The following NEK11 variants were observed in gnomAD, a reference collection of about 807,000 sequenced individuals.
NEK11 encodes serine/threonine-protein kinase Nek11.
A neutral mutation model predicts 80.7 loss-of-function variants in NEK11; 72 were observed. The observed-to-expected ratio is 0.89, with a 90% CI of 0.74 to 1.08. The LOEUF (loss-of-function observed/expected upper bound fraction) is 1.08. Ranked by LOEUF, NEK11 falls within the 50% of genes least tolerant of loss-of-function variation. The pLI is 0.00. For synonymous variants in NEK11, 251 were observed against 260.7 expected (o/e 0.96, Z 0.36); for missense variants, 764 against 763.6 (o/e 1.00, Z -0.01).
intron 17 of NEK11, among the ~76,000 whole-genome samples, chr3:131,290,878 C>G (rs1047601578): frequency 6.6e-6 from 1 of 152,132 alleles, no homozygotes; most frequent in East Asian, 1.9e-4. Context: ...ATAACCTCCC[C>G]ATTATCAATG....
At chr3:131,135,495 G>T (rs928673496) in intron 7 of NEK11, among the ~76,000 whole-genome samples, 3 of 152,082 alleles carry the variant, frequency 2.0e-5, no homozygotes, top group Admixed American at 1.3e-4. Flanking sequence ...TCTACTATTT[G>T]CCCAAGACTG....
Position 131,132,827 on chromosome 3 carries a change from A to G in NEK11, c.520+18A>G, listed in dbSNP as rs1221427746. On this transcript the variant is annotated intron_variant, in intron 6 of 17. Coordinates refer to ENST00000383366, the MANE Select transcript of NEK11 (RefSeq NM_024800.5). ...TAAAATTGGTAAGATTTTAAAAAGT[A>G]TGAATTCCAAAAACGCAGAACAGTA... The G allele has an allele frequency of 4.9e-6, 6 of 1,216,532 alleles. No individual in the cohort carries two copies. Among genetic ancestry groups the G allele is most frequent in the Non-Finnish European group, 7.1e-6 (6 of 849,912 alleles). The allele number at this position is 1,216,532 out of a possible 1,614,324, so 75.4% of individuals were successfully genotyped here. A position where few individuals can be genotyped will look rare whatever the true frequency, so the allele number is the denominator to read the frequency against.
At chr3:131,233,297 C>A (rs1008725426) in intron 15 of NEK11, among the ~76,000 whole-genome samples, 2 of 152,134 alleles carry the variant, frequency 1.3e-5, no homozygotes, top group African/African-American at 4.8e-5. Flanking sequence ...CTGGGAGTTG[C>A]CTGGGAAGAG....
intron 16 of NEK11, among the ~76,000 whole-genome samples, chr3:131,272,195 T>A (rs997072872): frequency 6.6e-6 from 1 of 152,214 alleles, no homozygotes; most frequent in African/African-American, 2.4e-5. Context: ...GCACATGTTA[T>A]ATGAGATATG....
intron 16 of NEK11, among the ~76,000 whole-genome samples, chr3:131,262,497 A>C (rs926627732): frequency 3.9e-5 from 6 of 152,064 alleles, no homozygotes; most frequent in African/African-American, 1.4e-4. Context: ...TTCCTTTCCA[A>C]TTTGGATTCC....
chr3:131,197,400 G>A (rs1013816284), intron 14 of NEK11, among the ~76,000 whole-genome samples: 9 of 152,142 alleles, frequency 5.9e-5, no homozygotes, highest in Non-Finnish European at 1.3e-4. Context: ...CATGGACTGC[G>A]TCTGGGGCTC....
At chr3:131,255,861 C>A (rs1179332397) in intron 16 of NEK11, among the ~76,000 whole-genome samples, 1 of 152,112 alleles carries the variant, frequency 6.6e-6, no homozygotes, top group Non-Finnish European at 1.5e-5. Context: ...CTGATTAGAC[C>A]ATGTCCAAAT....
chr3:131,146,296 A>C (rs1211015181), intron 7 of NEK11, among the ~76,000 whole-genome samples: 1 of 152,162 alleles, frequency 6.6e-6, no homozygotes, highest in Non-Finnish European at 1.5e-5. Flanking sequence ...GTTAGGCTAC[A>C]TAACAGAATG....
chr3:131,031,570 G>A (rs1053661561), intron 3 of NEK11, among the ~76,000 whole-genome samples: 21 of 152,300 alleles, frequency 1.4e-4, no homozygotes, highest in African/African-American at 4.8e-4. Context: ...GATGTATGAA[G>A]ATCAAACTTG....
At chr3:131,215,693 C>T (rs2094811717) in intron 14 of NEK11, among the ~76,000 whole-genome samples, 1 of 152,190 alleles carries the variant, frequency 6.6e-6, no homozygotes, top group African/African-American at 2.4e-5. Context: ...TACCTCTCCC[C>T]TGCTACATCC....
chr3:131,215,407 G>C (rs532819275), intron 14 of NEK11, among the ~76,000 whole-genome samples: 5 of 151,682 alleles, frequency 3.3e-5, no homozygotes, highest in South Asian at 4.2e-4. Context: ...ATGTACCCTA[G>C]AACTTAAAGT....
chr3:131,331,832 G>A (rs1237097726), intron 17 of NEK11, among the ~76,000 whole-genome samples: 4 of 152,216 alleles, frequency 2.6e-5, no homozygotes, highest in Admixed American at 6.5e-5. Flanking sequence ...TGGCTCGGAG[G>A]GTCCTACAAC....
At chr3:131,273,233 T>TA (rs1397939670) in intron 16 of NEK11, among the ~76,000 whole-genome samples, 6 of 152,224 alleles carry the variant, frequency 3.9e-5, no homozygotes, top group African/African-American at 1.4e-4. Context: ...GTGTTTTGTT[T>TA]AAACAATCCT....
chr3:131,036,670 C>T (rs895846915), intron 3 of NEK11, among the ~76,000 whole-genome samples: 2 of 152,190 alleles, frequency 1.3e-5, no homozygotes, highest in Admixed American at 1.3e-4. Context: ...GTGGTTTTCA[C>T]AATTTGTTGA....
intron 17 of NEK11, among the ~76,000 whole-genome samples, chr3:131,299,858 C>T (rs1377206372): frequency 2.0e-5 from 3 of 152,064 alleles, no homozygotes; most frequent in Non-Finnish European, 2.9e-5. Context: ...TTGTCTTTAT[C>T]GTAGAATGAT....
intron 7 of NEK11, among the ~76,000 whole-genome samples, chr3:131,151,548 C>T (rs538347697): frequency 5.3e-5 from 8 of 152,124 alleles, no homozygotes; most frequent in South Asian, 4.1e-4. Context: ...AGGTCAATCA[C>T]AAGTTTATTT....
At chr3:131,247,952 C>T (rs1215002513) in intron 16 of NEK11, among the ~76,000 whole-genome samples, 3 of 150,756 alleles carry the variant, frequency 2.0e-5, no homozygotes, top group African/African-American at 7.3e-5. Context: ...TATTTTGTAT[C>T]CTGAAATTTT....
At chr3:131,272,518 C>T (rs982937421) in intron 16 of NEK11, among the ~76,000 whole-genome samples, 1 of 114,282 alleles carries the variant, frequency 8.8e-6, no homozygotes, top group Non-Finnish European at 1.8e-5. Flanking sequence ...TTCTTTCACC[C>T]AGGCTGGAGT....
intron 14 of NEK11, among the ~76,000 whole-genome samples, chr3:131,187,831 G>A (rs1215777797): frequency 6.6e-6 from 1 of 152,142 alleles, no homozygotes; most frequent in Non-Finnish European, 1.5e-5. Context: ...AAGTATTTCA[G>A]AGTTTACCTA....
Sources: gnomAD v4.1 joint callset for allele counts (sites outside exome capture counted in the v4.1 genomes callset) on GRCh38, gnomAD v4.1.1 for gene constraint, MANE v1.5 for transcripts, NCBI Gene and HGNC (gene_info 2026-07-23, HGNC 2026-07-21) for gene names.